Variants in RNF216 observed in about 807,000 individuals in gnomAD.
RNF216 encodes the protein E3 ubiquitin-protein ligase RNF216.
RNF216 carries 72 observed loss-of-function variants against 110.8 expected under a neutral mutation model. That is an observed-to-expected ratio of 0.65 (90% CI 0.54 to 0.79). The LOEUF (loss-of-function observed/expected upper bound fraction) is 0.79. Among genes scored for constraint, RNF216 ranks in the 30% least tolerant of loss-of-function variants. The pLI, the probability that RNF216 is intolerant of heterozygous loss-of-function variation, is 0.00. For synonymous variants in RNF216, 495 were observed against 407.5 expected, an observed-to-expected ratio of 1.21 and a Z score of -2.59; for missense variants, 1,342 against 1,141.2, an observed-to-expected ratio of 1.18 and a Z score of -2.54.
intron 15 of RNF216, among the ~76,000 whole-genome samples, chr7:5,626,134 G>A (rs908190333): frequency 6.6e-6 from 1 of 152,182 alleles, no homozygotes; most frequent in Non-Finnish European, 1.5e-5. Flanking sequence ...AATCCTGAGG[G>A]AGCTGTCTCT....
intron 14 of RNF216, among the ~76,000 whole-genome samples, chr7:5,650,600 G>T (rs538241273): frequency 6.6e-6 from 1 of 152,172 alleles, no homozygotes; most frequent in Admixed American, 6.6e-5. Context: ...GTCAGCTGAG[G>T]GTTTTCCCAA....
intron 7 of RNF216, among the ~76,000 whole-genome samples, chr7:5,728,636 C>A (rs1793906748): frequency 6.6e-6 from 1 of 152,120 alleles, no homozygotes; most frequent in Non-Finnish European, 1.5e-5. Context: ...TAGACCTTAG[C>A]ATGAGCCACA....
chr7:5,688,849 A>C (rs1040390239), intron 13 of RNF216, among the ~76,000 whole-genome samples: 3 of 152,222 alleles, frequency 2.0e-5, no homozygotes, highest in African/African-American at 7.2e-5. Context: ...CGAATTCCCA[A>C]ATGATGATAA....
intron 2 of RNF216, among the ~76,000 whole-genome samples, chr7:5,756,663 C>G (rs1221406516): frequency 6.6e-6 from 1 of 152,162 alleles, no homozygotes; most frequent in African/African-American, 2.4e-5. Flanking sequence ...CTCTGTTGCC[C>G]AGGCTAGAGT....
intron 14 of RNF216, among the ~76,000 whole-genome samples, chr7:5,642,440 C>T (rs947809127): frequency 6.6e-6 from 1 of 151,924 alleles, no homozygotes; most frequent in African/African-American, 2.4e-5. Context: ...TCTGGAACTC[C>T]CGACCTCAGG....
chr7:5,629,929 T>C (rs3807573), intron 15 of RNF216, among the ~76,000 whole-genome samples: 7,533 of 151,818 alleles, frequency 0.05, 221 homozygotes, highest in South Asian at 0.09. Flanking sequence ...GGACTTGGGA[T>C]AAGTGACAGA....
intron 2 of RNF216, among the ~76,000 whole-genome samples, chr7:5,754,700 G>A (rs965640663): frequency 3.3e-5 from 5 of 152,190 alleles, no homozygotes; most frequent in Non-Finnish European, 5.9e-5. Flanking sequence ...ACTGACCCAA[G>A]AAAAAGACAC....
intron 3 of RNF216, among the ~76,000 whole-genome samples, chr7:5,746,174 G>A (rs1472271278): frequency 6.6e-6 from 1 of 152,152 alleles, no homozygotes; most frequent in Non-Finnish European, 1.5e-5. Flanking sequence ...TCTGAGCTCT[G>A]CTGTCTTTTT....
intron 13 of RNF216, among the ~76,000 whole-genome samples, chr7:5,698,684 G>A (rs6950757): frequency 0.061 from 9,267 of 152,118 alleles, 941 homozygotes; most frequent in African/African-American, 0.21. Flanking sequence ...ATGAGCCACC[G>A]CTCCGGCCTC....
chr7:5,739,281 C>G lies in RNF216; in HGVS notation c.1116G>C (p.Leu372=). The change falls in exon 5 of 17, where the codon CTG becomes CTC. Residue 372 remains leucine (L), a synonymous_variant. Transcript: ENST00000389902. ...EIIHFKNYYD[L]NVLCNFLLEN... is the part of the protein sequence containing the mutation. ...AAGCATGGTAGTATACTTACACATT[C>G]AGATCATAATAATTCTTAAAATGAA... 4 of 1,588,072 alleles carry G rather than the reference C, an allele frequency of 2.5e-6. No homozygotes were observed. Among genetic ancestry groups the G allele is most frequent in the African/African-American group, 2.7e-5 (2 of 73,566 alleles).
At chr7:5,764,371 G>C (rs1431150877) in intron 1 of RNF216, among the ~76,000 whole-genome samples, 1 of 152,036 alleles carries the variant, frequency 6.6e-6, no homozygotes, top group African/African-American at 2.4e-5. Flanking sequence ...CTTCAGGCTG[G>C]GCTTGGTGGC....
chr7:5,623,974 GC>G, intron 16 of RNF216, 81 bp downstream of exon 16: 1 of 1,234,526 alleles, frequency 8.1e-7, no homozygotes, highest in Non-Finnish European at 1.2e-6. Flanking sequence ...TGGGTTGAGT[GC>G]CAGGACACTC....
rs112669124 is a variant in RNF216, at chr7:5,701,553, G to A, written c.2061+10208C>T. On this transcript the variant is annotated intron_variant, in intron 13 of 16. Transcript: ENST00000389902. ...CATTGGTTTTGCACAAAAGCTCTAC[G>A]AGGTAGGTGCAACCGTTCTTATTGT... Among the ~76,000 whole-genome samples the A allele has an allele frequency of 2.0e-3, 298 of 152,350 alleles. 2 individuals carry two copies. The highest frequency in any genetic ancestry group is 6.4e-3 in the African/African-American group (264 of 41,574).
chr7:5,741,080 G>T lies in RNF216; in HGVS notation c.937C>A (p.Pro313Thr). 1 of 1,614,110 alleles carries T rather than the reference G, an allele frequency of 6.2e-7. No individual in the cohort carries two copies. The highest frequency in any genetic ancestry group is 1.1e-5 in the South Asian group (1 of 91,084). ...QLASDDEEPG[P>T]AFPMQESQEP... ...TGAGATTCTTGCATTGGAAAGGCTG[G>T]ACCTGGCTCTTCATCATCACTTGCT... Residue 313 changes from proline to threonine, a missense_variant, in exon 4 of 17, where the codon CCA (proline) becomes ACA (threonine). Physicochemically the swap from Pro to Thr is conservative, Grantham distance 38 (BLOSUM62 -1). Coordinates refer to ENST00000389902, the MANE Select transcript of RNF216 (RefSeq NM_207111.4).
chr7:5,718,623 T>C (rs1196144187), intron 9 of RNF216, among the ~76,000 whole-genome samples: 1 of 151,654 alleles, frequency 6.6e-6, no homozygotes, highest in Admixed American at 6.6e-5. Context: ...TTTGGCTCAC[T>C]GCAACCAACC....
chr7:5,781,045 G>C (rs1797059146), intron 1 of RNF216, among the ~76,000 whole-genome samples: 2 of 152,222 alleles, frequency 1.3e-5, no homozygotes, highest in Admixed American at 1.3e-4. Flanking sequence ...AGTGCCGGGT[G>C]ACAGTCGCCA....
chr7:5,657,462 G>C (rs1410893171), intron 13 of RNF216, among the ~76,000 whole-genome samples: 1 of 152,124 alleles, frequency 6.6e-6, no homozygotes, highest in Non-Finnish European at 1.5e-5. Flanking sequence ...AGCTACTCAG[G>C]AGGCTGAGGC....
intron 1 of RNF216, among the ~76,000 whole-genome samples, chr7:5,764,571 C>T (rs1227376705): frequency 6.6e-6 from 1 of 151,886 alleles, no homozygotes; most frequent in Non-Finnish European, 1.5e-5. Context: ...TCGCTTGAAC[C>T]CGGGAGGCGG....
chr7:5,755,482 A>G (rs952452547), intron 2 of RNF216, among the ~76,000 whole-genome samples: 11 of 152,232 alleles, frequency 7.2e-5, no homozygotes, highest in Admixed American at 7.2e-4. Context: ...TTTCTAGCAC[A>G]TTAGTAGCCC....
Sources: allele counts gnomAD v4.1 joint callset (sites outside exome capture counted in the v4.1 genomes callset), GRCh38; gene constraint gnomAD v4.1.1; transcripts MANE v1.5; gene names NCBI Gene and HGNC (gene_info 2026-07-23, HGNC 2026-07-21).